The following FAM163B variants were observed in gnomAD, a reference collection of about 807,000 sequenced individuals.
FAM163B encodes the protein protein FAM163B.
Under a neutral mutation model 7.6 loss-of-function variants are expected in FAM163B, and 4 were observed. That is an observed-to-expected ratio of 0.52 (90% confidence interval 0.26 to 1.20). The LOEUF is 1.20. Among genes scored for constraint, FAM163B ranks in the 50% most tolerant of loss-of-function variants. FAM163B has a pLI of 0.14. For missense variants in FAM163B, 250 were observed against 243.0 expected, an observed-to-expected ratio of 1.03 and a Z score of -0.19; for synonymous variants, 120 against 111.6, an observed-to-expected ratio of 1.07 and a Z score of -0.47.
At chr9:133,579,936 G>A (rs1831329736) in intron 2 of FAM163B, among the ~76,000 whole-genome samples, 195 bp downstream of exon 2, 1 of 152,346 alleles carries the variant, frequency 6.6e-6, no homozygotes, top group East Asian at 1.9e-4. Flanking sequence ...AGCTCTGGGT[G>A]AGGGGAGTCA....
intron 1 of FAM163B, among the ~76,000 whole-genome samples, chr9:133,599,873 CTG>C (rs1023639927): frequency 1.8e-4 from 26 of 143,768 alleles, no homozygotes; most frequent in African/African-American, 6.5e-4. Context: ...GCTAGTGTGT[CTG>C]TGTGCATGCA....
chr9:133,609,009 T>C (rs1056249025), intron 1 of FAM163B, among the ~76,000 whole-genome samples, 68 bp downstream of exon 1: 2 of 152,196 alleles, frequency 1.3e-5, no homozygotes, highest in African/African-American at 4.8e-5. Context: ...AGTGGGCACC[T>C]AGCTGGAGCT....
chr9:133,579,586 T>C (rs1230640501), intron 2 of FAM163B, among the ~76,000 whole-genome samples, 157 bp from the exon 3 acceptor site: 6 of 152,206 alleles, frequency 3.9e-5, no homozygotes, highest in Non-Finnish European at 7.3e-5. Context: ...ACCAGTGCTA[T>C]GGGTCTCACT....
In FAM163B at chr9:133,600,257, G is replaced by GTC. The variant is rs1352989467; in HGVS notation, c.-24+8818_-24+8819dup. Among the ~76,000 whole-genome samples the GTC allele has an allele frequency of 1.9e-5, 1 of 52,558 alleles. No homozygotes were observed. Among genetic ancestry groups the GTC allele is most frequent in the African/African-American group, 1.7e-4 (1 of 5,990 alleles). 34.5% of individuals were successfully genotyped at this position (52,558 alleles called of 152,430 possible). ...GTCTGTGTGCATGTGTGTGAGTGTG[G>GTC]TCTGTGTGTGTGTGTGTGTGTGTGT... On this transcript the variant is annotated intron_variant, in intron 1 of 2. Transcript: ENST00000673969. This position sits in a 1 kb window ranked among gnomAD's most constrained non-coding sequence, Gnocchi z 4.9.
chr9:133,600,601 A>G lies in FAM163B; in HGVS notation c.-24+8476T>C, dbSNP rs1831709122. Among the ~76,000 whole-genome samples, 1 of 152,114 alleles carries G rather than the reference A, an allele frequency of 6.6e-6. No homozygotes were observed. Among genetic ancestry groups the G allele is most frequent in the African/African-American group, 2.4e-5 (1 of 41,420 alleles). ...GTCTGCAGTGGGATGGGGTGGGAGC[A>G]GGGGTAAAACCAGAGGGTAAAAGGA... On this transcript the variant is annotated intron_variant, in intron 1 of 2. Transcript: ENST00000673969. The surrounding 1 kb of genome is among the most constrained non-coding windows in gnomAD (Gnocchi z 4.9).
intron 1 of FAM163B, among the ~76,000 whole-genome samples, chr9:133,604,906 C>G (rs1831771496): frequency 6.6e-6 from 1 of 152,238 alleles, no homozygotes; most frequent in African/African-American, 2.4e-5. Flanking sequence ...AGACCCGGGA[C>G]CTGCCAGCAG....
rs186271941 is a variant in FAM163B, at chr9:133,590,468, G to A, written c.-23-10222C>T. On this transcript the variant is annotated intron_variant, in intron 1 of 2. Coordinates refer to ENST00000673969, the MANE Select transcript of FAM163B (RefSeq NM_001080515.3). Reference sequence around the variant, plus strand: ...TCAGTGAACCCTATAGGCACAGCCGGCGCAGGCACTTTGAGCATCCTCATG... The same window carrying A: ...TCAGTGAACCCTATAGGCACAGCCGACGCAGGCACTTTGAGCATCCTCATG... 5.2e-3 allele frequency among the ~76,000 whole-genome samples: 793 copies of A among 152,210 alleles called. 6 individuals carry two copies. Among genetic ancestry groups the A allele is most frequent in the South Asian group, 0.026 (126 of 4,818 alleles).
chr9:133,604,066 T>C (rs1359212613), intron 1 of FAM163B, among the ~76,000 whole-genome samples: 1 of 152,204 alleles, frequency 6.6e-6, no homozygotes, highest in Non-Finnish European at 1.5e-5. Flanking sequence ...GGTCTCAAAC[T>C]CCTGACCTCA....
rs1403077565 is a variant in FAM163B, at chr9:133,609,327, C to G, written c.-274G>C. Among the ~76,000 whole-genome samples, 6 of 149,702 alleles carry G rather than the reference C, an allele frequency of 4.0e-5. No homozygotes were observed. The highest frequency in any genetic ancestry group is 8.9e-5 in the Non-Finnish European group (6 of 67,056). On this transcript the variant is annotated 5_prime_UTR_variant, in exon 1 of 3. Coordinates refer to ENST00000673969, the MANE Select transcript of FAM163B (RefSeq NM_001080515.3). ...GCTGCGGCCGCGACTCCGGACGCCC[C>G]GGCTGGCTCCCTGCGAGCTGCACGC... is the stretch of plus-strand genomic sequence containing the variant.
intron 1 of FAM163B, among the ~76,000 whole-genome samples, chr9:133,590,515 A>G (rs1831536488): frequency 6.6e-6 from 1 of 152,224 alleles, no homozygotes; most frequent in African/African-American, 2.4e-5. Context: ...AAACGGAGGC[A>G]CAAAGAGGGA....
intron 1 of FAM163B, among the ~76,000 whole-genome samples, chr9:133,582,004 T>C (rs1831363511): frequency 6.6e-6 from 1 of 152,210 alleles, no homozygotes. Flanking sequence ...CCAGTTCTTC[T>C]TGAAAAAGCT....
chr9:133,602,569 G>A lies in FAM163B; in HGVS notation c.-24+6508C>T, dbSNP rs113027215. ...CCAGGGGTGACAGAAAAGACCACACGAGTGATTGTTCAAGACTCTGTGTTG... is the reference window on the plus strand; with the variant it reads ...CCAGGGGTGACAGAAAAGACCACACAAGTGATTGTTCAAGACTCTGTGTTG... On this transcript the variant is annotated intron_variant, in intron 1 of 2. Transcript: ENST00000673969. 1.1e-3 allele frequency among the ~76,000 whole-genome samples: 162 copies of A among 152,278 alleles called. 2 individuals are homozygous for A. The highest frequency in any genetic ancestry group is 3.4e-3 in the Middle Eastern group (1 of 294).
Position 133,582,199 on chromosome 9 carries a change from CAA to C in FAM163B, c.-23-1955_-23-1954del, listed in dbSNP as rs1481342000. Reference sequence around the variant, plus strand: ...CCCAGATCCACACCTCTCAGTGAACCAAAAGTGACCCTGCCCCCTTTGCAGGC... The same window carrying C: ...CCCAGATCCACACCTCTCAGTGAACCAAGTGACCCTGCCCCCTTTGCAGGC... On this transcript the variant is annotated intron_variant, in intron 1 of 2. Coordinates refer to ENST00000673969, the MANE Select transcript of FAM163B (RefSeq NM_001080515.3). 2.6e-5 allele frequency among the ~76,000 whole-genome samples: 4 copies of C among 152,180 alleles called. No individual in the cohort carries two copies. The East Asian group carries it at 7.7e-4, about 29-fold the overall frequency.
chr9:133,590,113 C>CTTCCCCTTCCCCT (rs1229831482), intron 1 of FAM163B, among the ~76,000 whole-genome samples: 1 of 18,556 alleles, frequency 5.4e-5, no homozygotes, highest in Admixed American at 4.6e-4. Flanking sequence ...TTCCCTTCCC[C>CTTCCCCTTCCCCT]TCCCCTTCCC....
In FAM163B at chr9:133,586,163, T is replaced by C. The variant is rs988254658; in HGVS notation, c.-23-5917A>G. On this transcript the variant is annotated intron_variant, in intron 1 of 2. Coordinates refer to ENST00000673969, the MANE Select transcript of FAM163B (RefSeq NM_001080515.3). ...GCCGCGGTTGGTCTCCGAGATGTTA[T>C]CCAGAGCCCGGCTGGGGGTGGGCTG... The C allele has an allele frequency of 2.0e-5, 3 of 152,112 alleles. No homozygotes were observed. In the South Asian group the frequency reaches 6.2e-4, roughly 32 times the overall value. 9.4% of individuals were successfully genotyped at this position (152,112 alleles called of 1,614,324 possible).
At chr9:133,590,696 G>C (rs952665801) in intron 1 of FAM163B, among the ~76,000 whole-genome samples, 3 of 152,176 alleles carry the variant, frequency 2.0e-5, no homozygotes, top group African/African-American at 4.8e-5. Flanking sequence ...GGAGTCCCAG[G>C]AGAGCCCCGA....
chr9:133,578,726 T>C lies in FAM163B; in HGVS notation c.*296A>G. 1 of 419,304 alleles carries C rather than the reference T, an allele frequency of 2.4e-6. No individual in the cohort carries two copies. The highest frequency in any genetic ancestry group is 7.0e-5 in the South Asian group (1 of 14,350). 26.0% of individuals were successfully genotyped at this position (419,304 alleles called of 1,614,324 possible). A position where few individuals can be genotyped will look rare whatever the true frequency, so the allele number is the denominator to read the frequency against. ...GGGTCTGAGACAGAATCATCAGGAG[T>C]AACGGTGGCCTCTGTGCCTGAGAGC... On this transcript the variant is annotated 3_prime_UTR_variant, in exon 3 of 3. Coordinates refer to ENST00000673969, the MANE Select transcript of FAM163B (RefSeq NM_001080515.3).
chr9:133,584,808 G>T (rs865956113), intron 1 of FAM163B, among the ~76,000 whole-genome samples: 7 of 152,218 alleles, frequency 4.6e-5, no homozygotes, highest in Non-Finnish European at 7.3e-5. Context: ...AGAGCCATGC[G>T]GGTCAGGCCC....
chr9:133,607,215 T>C (rs1258587166), intron 1 of FAM163B, among the ~76,000 whole-genome samples: 1 of 152,068 alleles, frequency 6.6e-6, no homozygotes, highest in Admixed American at 6.5e-5. Context: ...ACCCCACAAT[T>C]TTGTACATGG....
Sources: allele counts gnomAD v4.1 joint callset (sites outside exome capture counted in the v4.1 genomes callset), GRCh38; gene constraint gnomAD v4.1.1; non-coding constraint Gnocchi (gnomAD v3.1); transcripts MANE v1.5; gene names NCBI Gene and HGNC (gene_info 2026-07-23, HGNC 2026-07-21).